Variants in PARPBP observed in about 807,000 individuals in gnomAD.
PARPBP encodes the protein PCNA-interacting partner.
A neutral mutation model predicts 50.0 loss-of-function variants in PARPBP; 52 were observed. That is an observed-to-expected ratio of 1.04 (90% CI 0.83 to 1.31). The LOEUF is 1.31. PARPBP is among the 50% of genes most tolerant of loss of function. The probability of loss-of-function intolerance (pLI) is 0.00; values close to 1 mark genes in which losing one functional copy is unlikely to be tolerated. For synonymous variants in PARPBP, 244 were observed against 232.1 expected (o/e 1.05, Z -0.47); for missense variants, 697 against 672.0 (o/e 1.04, Z -0.41).
intron 3 of PARPBP, among the ~76,000 whole-genome samples, chr12:102,150,046 C>T (rs961788453): frequency 6.6e-6 from 1 of 152,050 alleles, no homozygotes; most frequent in Non-Finnish European, 1.5e-5. Flanking sequence ...TCTAAGTCCT[C>T]TAATAAGTTT....
Position 102,178,770 on chromosome 12 carries a change from G to T in PARPBP, c.1184G>T (p.Arg395Met). ...HHGTSILTLF[R>M]SPTQVNNSIK... ...GGAACGTCTATTCTTACACTTTTTA[G>T]GTAAGTTATGTGGAAGTTATATGTG... The change falls in exon 8 of 11, where the codon AGG becomes ATG. Residue 395 changes from arginine to methionine, a missense_variant and splice_region_variant. Physicochemically the swap from Arg to Met is moderately conservative, Grantham distance 91. Coordinates refer to ENST00000327680, the MANE Select transcript of PARPBP (RefSeq NM_017915.5). 1 of 1,580,110 alleles carries T rather than the reference G, an allele frequency of 6.3e-7. No homozygotes were observed. Among genetic ancestry groups the T allele is most frequent in the South Asian group, 1.2e-5 (1 of 86,582 alleles).
intron 5 of PARPBP, 67 bp downstream of exon 5, chr12:102,164,675 T>C: frequency 1.5e-6 from 2 of 1,303,036 alleles, no homozygotes; most frequent in Non-Finnish European, 2.2e-6. Flanking sequence ...CCTAATATGC[T>C]TGTAACTAGG....
intron 1 of PARPBP, chr12:102,120,568 A>G (rs1233516713): frequency 2.2e-6 from 1 of 452,792 alleles, no homozygotes. Context: ...GTTAGGCAGG[A>G]AACCTGGGTT....
chr12:102,155,367 T>G (rs572722168), intron 4 of PARPBP: 2 of 152,376 alleles, frequency 1.3e-5, no homozygotes, highest in African/African-American at 4.8e-5. Flanking sequence ...CAGGATCTCT[T>G]GAGACTATGC....
intron 2 of PARPBP, among the ~76,000 whole-genome samples, chr12:102,136,948 T>G (rs535652151): frequency 6.6e-6 from 1 of 152,080 alleles, no homozygotes; most frequent in Non-Finnish European, 1.5e-5. Flanking sequence ...TGTTTTGTGT[T>G]TTTTTTGTTT....
chr12:102,195,456 C>T lies in PARPBP; in HGVS notation c.1399+9C>T. On this transcript the variant is annotated intron_variant, in intron 10 of 10. Transcript: ENST00000327680. The stretch of plus-strand genomic sequence containing the variant: ...GGAAAATGACCTTTCTGGTAATTGA[C>T]CTTATTTGTGCAATTAAATAACAAT... The T allele has an allele frequency of 1.9e-6, 3 of 1,566,970 alleles. No individual in the cohort carries two copies. The highest frequency in any genetic ancestry group is 2.6e-6 in the Non-Finnish European group (3 of 1,150,760).
At chr12:102,185,303 C>T (rs1037312824) in intron 9 of PARPBP, among the ~76,000 whole-genome samples, 2 of 152,002 alleles carry the variant, frequency 1.3e-5, no homozygotes, top group African/African-American at 2.4e-5. Context: ...GATTTTTGTC[C>T]GTTATTCTGT....
chr12:102,197,130 T>G lies in PARPBP; in HGVS notation c.*839T>G. 1 of 1,612,260 alleles carries G rather than the reference T, an allele frequency of 6.2e-7. No individual in the cohort carries two copies. Among genetic ancestry groups the G allele is most frequent in the East Asian group, 2.2e-5 (1 of 44,792 alleles). ...GATAAGGTTTTATAGCCAGATTCAG[T>G]GGCAGACCATGATTTAAGAAATTAT... On this transcript the variant is annotated 3_prime_UTR_variant, in exon 11 of 11. Transcript: ENST00000327680.
intron 6 of PARPBP, among the ~76,000 whole-genome samples, chr12:102,170,804 C>A (rs1025957591): frequency 1.3e-5 from 2 of 151,142 alleles, no homozygotes; most frequent in African/African-American, 4.9e-5. Context: ...CTTTTTGAGT[C>A]TTGTAGTAAC....
At chr12:102,169,704 C>T (rs1396158297) in intron 6 of PARPBP, among the ~76,000 whole-genome samples, 1 of 152,118 alleles carries the variant, frequency 6.6e-6, no homozygotes, top group Non-Finnish European at 1.5e-5. Context: ...CCTATCCTGT[C>T]GTCCTCATTG....
intron 8 of PARPBP, among the ~76,000 whole-genome samples, 183 bp downstream of exon 8, chr12:102,178,953 A>T (rs1054530005): frequency 1.3e-5 from 2 of 152,252 alleles, no homozygotes; most frequent in African/African-American, 4.8e-5. Flanking sequence ...GTAATATTTT[A>T]TGAGAGTACA....
At chr12:102,186,633 A>C (rs1004535035) in intron 9 of PARPBP, among the ~76,000 whole-genome samples, 8 of 152,136 alleles carry the variant, frequency 5.3e-5, no homozygotes, top group African/African-American at 1.7e-4. Flanking sequence ...TTTCAAGGAG[A>C]TACCTCCTTA....
Position 102,165,826 on chromosome 12 carries a change from A to G in PARPBP, c.764A>G (p.Asn255Ser), listed in dbSNP as rs780515366. ...AGGACACATGTAAAGGGATTGTCTA[A>G]TTTTATTAATTTCATTGACAAATTA... Reference protein sequence around the residue: ...PLRTHVKGLSNFINFIDKLDE... With the variant: ...PLRTHVKGLSSFINFIDKLDE... The change falls in exon 6 of 11, where the codon AAT (asparagine) becomes AGT (serine). Residue 255 changes from asparagine (N) to serine (S), a missense_variant. Coordinates refer to ENST00000327680, the MANE Select transcript of PARPBP (RefSeq NM_017915.5). 1 of 1,587,852 alleles carries G rather than the reference A, an allele frequency of 6.3e-7. No individual in the cohort carries two copies. Among genetic ancestry groups the G allele is most frequent in the South Asian group, 1.1e-5 (1 of 90,032 alleles).
At chr12:102,140,140 A>G (rs925441863) in intron 2 of PARPBP, among the ~76,000 whole-genome samples, 1 of 152,086 alleles carries the variant, frequency 6.6e-6, no homozygotes, top group African/African-American at 2.4e-5. Flanking sequence ...GTAGGCTATT[A>G]ATTATTGCCT....
intron 2 of PARPBP, among the ~76,000 whole-genome samples, chr12:102,135,674 A>G (rs1051496215): frequency 2.0e-5 from 3 of 152,060 alleles, no homozygotes; most frequent in African/African-American, 7.2e-5. Flanking sequence ...ACACTCCTTG[A>G]TGATAAGACC....
chr12:102,191,395 A>G (rs1489429488), intron 9 of PARPBP, among the ~76,000 whole-genome samples: 1 of 152,186 alleles, frequency 6.6e-6, no homozygotes, highest in Non-Finnish European at 1.5e-5. Context: ...TAAGGATATA[A>G]AATCTCTGTT....
chr12:102,156,674 G>C (rs1460859117), intron 4 of PARPBP, among the ~76,000 whole-genome samples: 6 of 152,082 alleles, frequency 3.9e-5, no homozygotes, highest in Admixed American at 2.6e-4. Context: ...GAGGCTTACT[G>C]TGTTGCCCAG....
At chr12:102,155,778 C>T (rs1488541597) in intron 4 of PARPBP, among the ~76,000 whole-genome samples, 1 of 152,174 alleles carries the variant, frequency 6.6e-6, no homozygotes, top group African/African-American at 2.4e-5. Flanking sequence ...TCCAGTCCAC[C>T]ACTGCTGTCT....
At chr12:102,165,617 G>A (rs1417270409) in intron 5 of PARPBP, 112 bp from the exon 6 acceptor site, 1 of 782,034 alleles carries the variant, frequency 1.3e-6, no homozygotes, top group South Asian at 1.7e-5. Context: ...CATAAAATGT[G>A]CTTCACTTTT....
Sources: gnomAD v4.1 joint callset for allele counts (sites outside exome capture counted in the v4.1 genomes callset) on GRCh38, gnomAD v4.1.1 for gene constraint, MANE v1.5 for transcripts, NCBI Gene and HGNC (gene_info 2026-07-23, HGNC 2026-07-21) for gene names.